Variants in NRXN3 observed in about 807,000 individuals in gnomAD.
The protein encoded by NRXN3 is neurexin 3, also known as neurexin III.
In NRXN3, 32 loss-of-function variants were observed where a neutral mutation model predicts 137.6. The ratio of observed to expected loss-of-function variants is 0.23; its 90% CI spans 0.18 to 0.31. NRXN3 has a LOEUF of 0.31. Ranked by LOEUF, NRXN3 falls within the 10% of genes least tolerant of loss-of-function variation. The pLI is 1.00. For synonymous variants in NRXN3, 798 were observed against 784.5 expected (o/e 1.02, Z -0.29); for missense variants, 1,574 against 2,062.5 (o/e 0.76, Z 4.59).
At chr14:79,456,544 T>C (rs1600576574) in intron 15 of NRXN3, among the ~76,000 whole-genome samples, 1 of 152,196 alleles carries the variant, frequency 6.6e-6, no homozygotes, top group East Asian at 1.9e-4. Context: ...CTGGACAACA[T>C]AGTGAAACCC....
chr14:78,428,883 C>T (rs6574444), intron 4 of NRXN3, among the ~76,000 whole-genome samples: 151,832 of 152,232 alleles, frequency 1, 75,717 homozygotes, highest in Non-Finnish European at 1. Flanking sequence ...GTTAATCTCA[C>T]CCAAAAAAAC....
intron 4 of NRXN3, among the ~76,000 whole-genome samples, chr14:78,551,583 C>T (rs566343141): frequency 1.3e-5 from 2 of 151,242 alleles, no homozygotes; most frequent in African/African-American, 4.9e-5. Flanking sequence ...TATCCTCCTC[C>T]CCTCTCATTT....
At chr14:79,828,124 A>G (rs1006180112) in intron 20 of NRXN3, among the ~76,000 whole-genome samples, 3 of 152,196 alleles carry the variant, frequency 2.0e-5, no homozygotes, top group Admixed American at 1.3e-4. Flanking sequence ...CAGTTCAACA[A>G]GAGATTCAGG....
intron 4 of NRXN3, among the ~76,000 whole-genome samples, chr14:78,467,535 G>GT (rs1204133270): frequency 1.3e-5 from 2 of 152,204 alleles, no homozygotes; most frequent in Non-Finnish European, 2.9e-5. Context: ...CATACTCTGT[G>GT]TGTTATGTTG....
intron 15 of NRXN3, among the ~76,000 whole-genome samples, chr14:79,196,775 G>A (rs2065194466): frequency 6.6e-6 from 1 of 152,142 alleles, no homozygotes; most frequent in Non-Finnish European, 1.5e-5. Flanking sequence ...GGTATATTGT[G>A]CAGCTCAAAT....
chr14:79,126,295 A>G (rs1003315687), intron 15 of NRXN3, among the ~76,000 whole-genome samples: 1 of 151,844 alleles, frequency 6.6e-6, no homozygotes, highest in Non-Finnish European at 1.5e-5. Context: ...ATCTAGCATT[A>G]GGTATATCTC....
At chr14:79,402,181 C>G (rs932124613) in intron 15 of NRXN3, among the ~76,000 whole-genome samples, 1 of 152,150 alleles carries the variant, frequency 6.6e-6, no homozygotes, top group African/African-American at 2.4e-5. Flanking sequence ...AGTGATCCTC[C>G]CACCTTGGCC....
At chr14:78,371,335 T>C (rs1227662392) in intron 4 of NRXN3, among the ~76,000 whole-genome samples, 2 of 152,216 alleles carry the variant, frequency 1.3e-5, no homozygotes, top group Non-Finnish European at 1.5e-5. Flanking sequence ...CAGCAGTCTC[T>C]GGCTGGGCTT....
At chr14:79,355,633 G>A (rs908085270) in intron 15 of NRXN3, among the ~76,000 whole-genome samples, 1 of 152,072 alleles carries the variant, frequency 6.6e-6, no homozygotes, top group Non-Finnish European at 1.5e-5. Flanking sequence ...AGCTTTTATT[G>A]AAAGTTTCTT....
intron 15 of NRXN3, among the ~76,000 whole-genome samples, chr14:79,059,267 T>TTC (rs2099671003): frequency 7.1e-6 from 1 of 141,198 alleles, no homozygotes; most frequent in African/African-American, 2.7e-5. Flanking sequence ...TTTTTTTTTT[T>TTC]TTTTTTTTGA....
chr14:78,446,234 C>T (rs566930737), intron 4 of NRXN3, among the ~76,000 whole-genome samples: 17 of 152,246 alleles, frequency 1.1e-4, no homozygotes, highest in Non-Finnish European at 1.8e-4. Flanking sequence ...ACAATTTAGC[C>T]TATTCCCTCT....
At chr14:78,259,158 A>G (rs1030133111) in intron 2 of NRXN3, among the ~76,000 whole-genome samples, 2 of 152,002 alleles carry the variant, frequency 1.3e-5, no homozygotes, top group African/African-American at 4.8e-5. Context: ...AAAGAAAAAA[A>G]GAAACAATCC....
chr14:78,232,775 A>G (rs2065625889), intron 1 of NRXN3, among the ~76,000 whole-genome samples: 1 of 152,134 alleles, frequency 6.6e-6, no homozygotes. Flanking sequence ...TCTTCATTAT[A>G]AATTATTAAC....
In NRXN3 at chr14:78,902,944, C is replaced by G. The variant is rs1453786803; in HGVS notation, c.2276-54298C>G. Among the ~76,000 whole-genome samples, 4 of 151,812 alleles carry G rather than the reference C, an allele frequency of 2.6e-5. No individual in the cohort carries two copies. The East Asian group carries it at 7.8e-4, about 30-fold the overall frequency. ...TGGAACATATGTACTGCCTCTTATCCTCCTGCAAATCTCATCCTTTTCAAG... is the reference window on the plus strand; with the variant it reads ...TGGAACATATGTACTGCCTCTTATCGTCCTGCAAATCTCATCCTTTTCAAG... On this transcript the variant is annotated intron_variant, in intron 10 of 20. Coordinates refer to ENST00000335750, the MANE Select transcript of NRXN3 (RefSeq NM_001330195.2).
At chr14:78,199,479 A>T (rs998449399) in intron 1 of NRXN3, among the ~76,000 whole-genome samples, 1 of 152,160 alleles carries the variant, frequency 6.6e-6, no homozygotes, top group Non-Finnish European at 1.5e-5. Context: ...ATATTTTTTT[A>T]TTCCTGTGAA....
intron 15 of NRXN3, among the ~76,000 whole-genome samples, chr14:79,052,349 T>C (rs746866873): frequency 2.4e-4 from 37 of 152,246 alleles, no homozygotes; most frequent in South Asian, 2.1e-4. Flanking sequence ...AGGAAACTCA[T>C]AGTTCATGTT....
intron 4 of NRXN3, among the ~76,000 whole-genome samples, chr14:78,490,099 G>C: frequency 6.6e-6 from 1 of 152,186 alleles, no homozygotes; most frequent in East Asian, 1.9e-4. Context: ...ATTTTTAGTA[G>C]AGATGTGGTT....
At chr14:79,283,327 C>T (rs1263347801) in intron 15 of NRXN3, among the ~76,000 whole-genome samples, 1 of 152,130 alleles carries the variant, frequency 6.6e-6, no homozygotes, top group Non-Finnish European at 1.5e-5. Flanking sequence ...TTTAACTACA[C>T]TTGCTCTTCC....
At chr14:78,229,548 G>C (rs2065104496) in intron 1 of NRXN3, among the ~76,000 whole-genome samples, 1 of 152,064 alleles carries the variant, frequency 6.6e-6, no homozygotes. Context: ...CTATTCTACT[G>C]CCAGGGGTGA....
Sources: allele counts gnomAD v4.1 joint callset (sites outside exome capture counted in the v4.1 genomes callset), GRCh38; gene constraint gnomAD v4.1.1; transcripts MANE v1.5; gene names NCBI Gene and HGNC (gene_info 2026-07-23, HGNC 2026-07-21).